The following ROBO1 variants were observed in gnomAD, a reference collection of about 807,000 sequenced individuals.
ROBO1 encodes the protein roundabout homolog 1.
ROBO1 carries 149 observed loss-of-function variants against 195.9 expected under a neutral mutation model. The observed-to-expected ratio is 0.76, with a 90% confidence interval of 0.67 to 0.87. The LOEUF (loss-of-function observed/expected upper bound fraction) is 0.87. ROBO1 is among the 40% of genes least tolerant of loss of function. The pLI is 0.00. For synonymous variants in ROBO1, 816 were observed against 733.2 expected, an observed-to-expected ratio of 1.11 and a Z score of -1.82; for missense variants, 1,933 against 2,068.3, an observed-to-expected ratio of 0.93 and a Z score of 1.27.
At chr3:79,704,912 C>T (rs562215487) in intron 1 of ROBO1, among the ~76,000 whole-genome samples, 4 of 152,058 alleles carry the variant, frequency 2.6e-5, no homozygotes, top group East Asian at 1.9e-4. Flanking sequence ...TCATTGTTGT[C>T]GTCTGCGTTT....
At chr3:78,684,581 A>T (rs926902642) in intron 10 of ROBO1, among the ~76,000 whole-genome samples, 2 of 152,166 alleles carry the variant, frequency 1.3e-5, no homozygotes, top group African/African-American at 4.8e-5. Flanking sequence ...TAGCAACAGT[A>T]AGAAAATGTA....
chr3:79,588,673 C>A (rs1943904346), intron 2 of ROBO1, among the ~76,000 whole-genome samples: 1 of 151,586 alleles, frequency 6.6e-6, no homozygotes, highest in Non-Finnish European at 1.5e-5. Context: ...TCTTAATACT[C>A]AACAGAGTTG....
intron 1 of ROBO1, among the ~76,000 whole-genome samples, chr3:79,741,242 G>A (rs1263794081): frequency 6.6e-6 from 1 of 152,132 alleles, no homozygotes; most frequent in Non-Finnish European, 1.5e-5. Flanking sequence ...CATTAGCCAT[G>A]GAGTAATTCT....
chr3:79,762,015 T>C (rs1239031157), intron 1 of ROBO1, among the ~76,000 whole-genome samples: 1 of 152,206 alleles, frequency 6.6e-6, no homozygotes, highest in African/African-American at 2.4e-5. Flanking sequence ...TTAAGATTTA[T>C]TTGGTTCAAT....
At chr3:78,983,700 A>T (rs2077046233) in intron 3 of ROBO1, among the ~76,000 whole-genome samples, 2 of 152,218 alleles carry the variant, frequency 1.3e-5, no homozygotes, top group South Asian at 4.1e-4. Context: ...AAAGGGATAG[A>T]CAGGTCTGAT....
chr3:79,762,493 T>TTTTTTTTTTTTTTTTTTTTTTTTTTTTG (rs1704754177), intron 1 of ROBO1, among the ~76,000 whole-genome samples: 2 of 151,830 alleles, frequency 1.3e-5, no homozygotes, highest in African/African-American at 2.4e-5. Context: ...GAGGAATACT[T>TTTTTTTTTTTTTTTTTTTTTTTTTTTTG]AAACCTATTT....
At chr3:78,805,670 CATG>C (rs900696037) in intron 4 of ROBO1, among the ~76,000 whole-genome samples, 2 of 151,870 alleles carry the variant, frequency 1.3e-5, no homozygotes, top group Admixed American at 6.6e-5. Context: ...AGGAAACTTC[CATG>C]ATATCTTTCA....
intron 8 of ROBO1, among the ~76,000 whole-genome samples, chr3:78,698,631 A>G (rs1034518923): frequency 2.0e-5 from 3 of 152,160 alleles, no homozygotes; most frequent in African/African-American, 7.2e-5. Context: ...GATACTGACA[A>G]ACATCCTACA....
chr3:78,917,508 A>G (rs975961943), intron 4 of ROBO1, among the ~76,000 whole-genome samples: 1 of 152,226 alleles, frequency 6.6e-6, no homozygotes, highest in Non-Finnish European at 1.5e-5. Flanking sequence ...GCCATCTTAA[A>G]TATAAATGTA....
At chr3:79,048,006 C>T (rs780389679) in intron 3 of ROBO1, among the ~76,000 whole-genome samples, 11 of 152,068 alleles carry the variant, frequency 7.2e-5, no homozygotes, top group Non-Finnish European at 5.9e-5. Flanking sequence ...TTTGGTCTAT[C>T]CTGTAGCTAA....
chr3:79,675,685 T>C (rs995659888), intron 1 of ROBO1, among the ~76,000 whole-genome samples: 1 of 151,830 alleles, frequency 6.6e-6, no homozygotes, highest in African/African-American at 2.4e-5. Flanking sequence ...GCTGAGAAAA[T>C]GGGGGAAAAA....
intron 8 of ROBO1, among the ~76,000 whole-genome samples, chr3:78,704,774 C>A (rs67347336): frequency 0.25 from 38,486 of 151,418 alleles, 5,049 homozygotes; most frequent in African/African-American, 0.32. Flanking sequence ...CCCAGGTGGT[C>A]AATGCTGCAG....
chr3:79,700,630 T>A (rs1947595977), intron 1 of ROBO1, among the ~76,000 whole-genome samples: 2 of 151,870 alleles, frequency 1.3e-5, no homozygotes, highest in South Asian at 4.1e-4. Flanking sequence ...TGATTAATGA[T>A]GCTGAACACT....
chr3:78,747,050 A>ATT, intron 4 of ROBO1, 150 bp from the exon 5 acceptor site: 3 of 454,852 alleles, frequency 6.6e-6, no homozygotes, highest in Non-Finnish European at 1.1e-5. Flanking sequence ...CTACTTATAG[A>ATT]CATCTGCAAT....
rs551823448 is a variant in ROBO1 at position 78,711,013 on chromosome 3, G to T, written c.1045+3384C>A. On this transcript the variant is annotated intron_variant, in intron 8 of 30. Transcript: ENST00000464233. Reference sequence around the variant, plus strand: ...AGTGTCTAGCCCTAGATTTTACTCTGTTCCCTTTTCACCTCCATTCTTTTT... The same window carrying T: ...AGTGTCTAGCCCTAGATTTTACTCTTTTCCCTTTTCACCTCCATTCTTTTT... Among the ~76,000 whole-genome samples the T allele has an allele frequency of 1.1e-4, 17 of 152,266 alleles. No homozygotes were observed. In the South Asian group the frequency reaches 1.9e-3, roughly 17 times the overall value.
Position 78,688,615 on chromosome 3 carries a change from A to C in ROBO1, c.1170+33T>G, listed in dbSNP as rs758569839. On this transcript the variant is annotated intron_variant, in intron 9 of 30. Coordinates refer to ENST00000464233, the MANE Select transcript of ROBO1 (RefSeq NM_002941.4). ...TACATCTTGGCAACCATCTTTGCTGATTTAAAAAAAAAAAGTTAGAAAAAG... is the reference window on the plus strand; with the variant it reads ...TACATCTTGGCAACCATCTTTGCTGCTTTAAAAAAAAAAAGTTAGAAAAAG... 1.8e-5 allele frequency: 27 copies of C among 1,535,528 alleles called. 1 individual carries two copies. The South Asian group carries it at 3.4e-4, about 19-fold the overall frequency.
intron 2 of ROBO1, among the ~76,000 whole-genome samples, chr3:79,449,000 C>T (rs556717974): frequency 2.0e-5 from 3 of 152,200 alleles, no homozygotes; most frequent in East Asian, 3.9e-4. Context: ...AAGGCTGAAG[C>T]AGGAGGATCG....
chr3:78,651,959 T>C (rs748305511), intron 18 of ROBO1, 30 bp from the exon 19 acceptor site: 2 of 1,579,312 alleles, frequency 1.3e-6, no homozygotes, highest in Admixed American at 1.7e-5. Flanking sequence ...TTAATTTGGG[T>C]TGAAGACTCA....
intron 1 of ROBO1, among the ~76,000 whole-genome samples, chr3:79,700,865 G>A (rs115989648): frequency 2.8e-4 from 42 of 151,596 alleles, no homozygotes; most frequent in African/African-American, 9.9e-4. Flanking sequence ...TTTTATGGCA[G>A]TTGCTTCTGA....
Sources: allele counts gnomAD v4.1 joint callset (sites outside exome capture counted in the v4.1 genomes callset), GRCh38; gene constraint gnomAD v4.1.1; transcripts MANE v1.5; gene names NCBI Gene and HGNC (gene_info 2026-07-23, HGNC 2026-07-21).